WDR1: variants seen among roughly 807,000 people sequenced by gnomAD.
The protein encoded by WDR1 is WD repeat-containing protein 1.
A neutral mutation model predicts 71.9 loss-of-function variants in WDR1; 21 were observed. The observed-to-expected ratio is 0.29, with a 90% CI of 0.21 to 0.42. The LOEUF (loss-of-function observed/expected upper bound fraction) is 0.42. WDR1 is among the 10% of genes least tolerant of loss of function. The probability of loss-of-function intolerance (pLI) is 1.00; values close to 1 mark genes in which losing one functional copy is unlikely to be tolerated. For missense variants in WDR1, 696 were observed against 824.5 expected (o/e 0.84, Z 1.91); for synonymous variants, 424 against 347.4 (o/e 1.22, Z -2.45).
rs757106258 is a variant in WDR1 at position 10,088,320 on chromosome 4, G to A, written c.690C>T (p.Ser230=). 7 of 1,557,504 alleles carry A rather than the reference G, an allele frequency of 4.5e-6. No homozygotes were observed. The highest frequency in any genetic ancestry group is 6.1e-6 in the Non-Finnish European group (7 of 1,150,234). ...TGEKVCALGG[S]KAHDGGIYAI... ...CGTAAATCCCACCGTCGTGGGCCTT[G>A]CTTCCGCCCAGCGCGCACACCTTCT... The change falls in exon 7 of 15, where the codon AGC becomes AGT. Residue 230 remains serine, a synonymous_variant. Transcript: ENST00000499869.
chr4:10,115,543 C>G (rs1276847722), intron 2 of WDR1, among the ~76,000 whole-genome samples: 6 of 152,226 alleles, frequency 3.9e-5, no homozygotes, highest in African/African-American at 1.4e-4. Context: ...GAGTGCCATT[C>G]CATTCAGCAA....
intron 3 of WDR1, among the ~76,000 whole-genome samples, chr4:10,099,722 C>T (rs1377747804): frequency 6.6e-6 from 1 of 152,274 alleles, no homozygotes; most frequent in Non-Finnish European, 1.5e-5. Context: ...GCTTCCTGTG[C>T]AGCTTCCCAA....
At chr4:10,080,135 G>A (rs770173001) in intron 11 of WDR1, among the ~76,000 whole-genome samples, 10 of 152,168 alleles carry the variant, frequency 6.6e-5, no homozygotes, top group Non-Finnish European at 1.0e-4. Flanking sequence ...CAACCCTACC[G>A]GGGTCCTTTC....
intron 2 of WDR1, among the ~76,000 whole-genome samples, chr4:10,106,897 T>C (rs1197451922): frequency 6.6e-6 from 1 of 152,150 alleles, no homozygotes; most frequent in East Asian, 1.9e-4. Flanking sequence ...CACGTGTCAC[T>C]CGGCCTGTGA....
chr4:10,078,806 GC>G, intron 12 of WDR1, 84 bp downstream of exon 12: 3 of 1,191,624 alleles, frequency 2.5e-6, no homozygotes, highest in Non-Finnish European at 3.6e-6. Flanking sequence ...CCCTGAGACA[GC>G]CCCGGTACTC....
Position 10,088,234 on chromosome 4 carries a change from C to A in WDR1, c.717+59G>T. 3.4e-6 allele frequency: 5 copies of A among 1,473,412 alleles called. No individual in the cohort carries two copies. The South Asian group carries it at 6.1e-5, about 18-fold the overall frequency. 91.3% of individuals were successfully genotyped at this position (1,473,412 alleles called of 1,614,324 possible). A position where few individuals can be genotyped will look rare whatever the true frequency, so the allele number is the denominator to read the frequency against. ...TAACTCCGGAGTGAGTGTGGATGGA[C>A]TGACACGTGGACTCGGCCAAATTCC... On this transcript the variant is annotated intron_variant, in intron 7 of 14. Coordinates refer to ENST00000499869, the MANE Select transcript of WDR1 (RefSeq NM_017491.5).
intron 2 of WDR1, among the ~76,000 whole-genome samples, chr4:10,109,225 G>A (rs570997281): frequency 6.6e-6 from 1 of 152,352 alleles, no homozygotes; most frequent in South Asian, 2.1e-4. Context: ...GCTGTTAAGT[G>A]GCAGCGCCAG....
chr4:10,082,720 G>T (rs1210922324), intron 10 of WDR1, among the ~76,000 whole-genome samples: 1 of 152,176 alleles, frequency 6.6e-6, no homozygotes, highest in Non-Finnish European at 1.5e-5. Context: ...ATGAGGAAAG[G>T]GACACAGGGA....
At chr4:10,079,479 C>G (rs545160730) in intron 11 of WDR1, among the ~76,000 whole-genome samples, 132 of 152,362 alleles carry the variant, frequency 8.7e-4, no homozygotes, top group African/African-American at 3.0e-3. Flanking sequence ...GCCCAAGGCT[C>G]CAGTTCCCAC....
chr4:10,083,291 G>T, intron 9 of WDR1, 113 bp from the exon 10 acceptor site: 1 of 1,339,706 alleles, frequency 7.5e-7, no homozygotes, highest in Non-Finnish European at 1.0e-6. Flanking sequence ...CGCCGCAAAC[G>T]GACATAACCA....
intron 4 of WDR1, 27 bp from the exon 5 acceptor site, chr4:10,097,918 C>CAAAAA (rs748635612): frequency 1.7e-5 from 21 of 1,213,106 alleles, no homozygotes; most frequent in African/African-American, 1.6e-4. Flanking sequence ...AGGTGGAAGA[C>CAAAAA]AAAAAAAAAA....
At chr4:10,078,823 G>C in intron 12 of WDR1, 68 bp downstream of exon 12, 1 of 1,390,786 alleles carries the variant, frequency 7.2e-7, no homozygotes, top group Non-Finnish European at 1.0e-6. Context: ...TACTCACACA[G>C]CTCACACTGT....
intron 11 of WDR1, among the ~76,000 whole-genome samples, chr4:10,080,791 C>T (rs1013934125): frequency 3.9e-5 from 6 of 152,218 alleles, no homozygotes; most frequent in African/African-American, 7.2e-5. Flanking sequence ...GAAGCCAGGC[C>T]GGGAAGTCAG....
chr4:10,115,098 T>C (rs1577083521), intron 2 of WDR1, among the ~76,000 whole-genome samples: 4 of 152,334 alleles, frequency 2.6e-5, no homozygotes, highest in African/African-American at 7.2e-5. Flanking sequence ...ACAACCCTTG[T>C]ATGCCTATGG....
rs1199272610 is a variant in WDR1, at chr4:10,078,679, A to G, written c.1395+212T>C. 6.0e-6 allele frequency: 3 copies of G among 497,924 alleles called. No homozygotes were observed. The East Asian group carries it at 1.1e-4, about 19-fold the overall frequency. 30.8% of individuals were successfully genotyped at this position (497,924 alleles called of 1,614,324 possible). ...GGCACCCGGGCAGTGAGGTGGGGGA[A>G]GTGCCGAGGAGGGGAGGGGAAGGCT... On this transcript the variant is annotated intron_variant, in intron 12 of 14. Coordinates refer to ENST00000499869, the MANE Select transcript of WDR1 (RefSeq NM_017491.5).
At chr4:10,083,733 G>A (rs956930954) in intron 9 of WDR1, 1 of 456,196 alleles carries the variant, frequency 2.2e-6, no homozygotes, top group South Asian at 1.5e-5. Flanking sequence ...CAGGCACTCT[G>A]CAGATGGTGG....
In WDR1 at chr4:10,116,671, G is replaced by C; in HGVS notation, c.-5C>G. The C allele has an allele frequency of 7.4e-7, 1 of 1,348,880 alleles. No individual in the cohort carries two copies. Among genetic ancestry groups the C allele is most frequent in the African/African-American group, 1.5e-5 (1 of 66,092 alleles). 83.6% of individuals were successfully genotyped at this position (1,348,880 alleles called of 1,614,324 possible). A position where few individuals can be genotyped will look rare whatever the true frequency, so the allele number is the denominator to read the frequency against. ...CTTACTGATCTCGTACGGCATCCTC[G>C]CCCACTTGTTACCGCGCCGCGCTCG... On this transcript the variant is annotated 5_prime_UTR_variant, in exon 1 of 15. Transcript: ENST00000499869.
In WDR1 at chr4:10,116,767, G is replaced by C. The variant is rs559791549; in HGVS notation, c.-101C>G. 2 of 1,226,888 alleles carry C rather than the reference G, an allele frequency of 1.6e-6. No individual in the cohort carries two copies. The highest frequency in any genetic ancestry group is 3.4e-5 in the East Asian group (1 of 29,500). 76.0% of individuals were successfully genotyped at this position (1,226,888 alleles called of 1,614,324 possible). A position where few individuals can be genotyped will look rare whatever the true frequency, so the allele number is the denominator to read the frequency against. On this transcript the variant is annotated 5_prime_UTR_variant, in exon 1 of 15. Transcript: ENST00000499869. ...GAGGCCGAGCCCGGGGACTGGAGCC[G>C]GAAGGCGGCACCGGGCGTGCCGGGA...
intron 4 of WDR1, 124 bp from the exon 5 acceptor site, chr4:10,098,015 C>T: frequency 1.0e-6 from 1 of 983,414 alleles, no homozygotes; most frequent in Non-Finnish European, 1.4e-6. Context: ...CAGCAGGCAG[C>T]TCAGAACGCC....
Sources: allele counts gnomAD v4.1 joint callset (sites outside exome capture counted in the v4.1 genomes callset), GRCh38; gene constraint gnomAD v4.1.1; transcripts MANE v1.5; gene names NCBI Gene and HGNC (gene_info 2026-07-23, HGNC 2026-07-21).